The following SCMH1 variants were observed in gnomAD, a reference collection of about 807,000 sequenced individuals.
SCMH1 encodes the protein polycomb protein SCMH1.
SCMH1 carries 37 observed loss-of-function variants against 70.8 expected under a neutral mutation model. That is an observed-to-expected ratio of 0.52 (90% CI 0.40 to 0.69). The LOEUF is 0.69. Among genes scored for constraint, SCMH1 ranks in the 30% least tolerant of loss-of-function variants. SCMH1 has a pLI of 0.00. For missense variants in SCMH1, 607 were observed against 827.3 expected (o/e 0.73, Z 3.27); for synonymous variants, 292 against 307.4 (o/e 0.95, Z 0.52).
At chr1:41,118,510 T>A (rs1671101282) in intron 6 of SCMH1, among the ~76,000 whole-genome samples, 1 of 152,150 alleles carries the variant, frequency 6.6e-6, no homozygotes, top group Non-Finnish European at 1.5e-5. Context: ...ACTCACTACT[T>A]CTCTTATCAC....
chr1:41,080,416 T>C (rs925422557), intron 8 of SCMH1, among the ~76,000 whole-genome samples: 2 of 151,920 alleles, frequency 1.3e-5, no homozygotes, highest in African/African-American at 2.4e-5. Context: ...ATGACAAAGA[T>C]AGTTACAAGA....
intron 2 of SCMH1, among the ~76,000 whole-genome samples, chr1:41,180,471 G>A (rs1572882055): frequency 6.7e-6 from 1 of 149,704 alleles, no homozygotes; most frequent in Non-Finnish European, 1.5e-5. Flanking sequence ...AAACCCCATC[G>A]TTAAGCTGAT....
intron 9 of SCMH1, among the ~76,000 whole-genome samples, chr1:41,073,026 A>C (rs1235800205): frequency 6.6e-6 from 1 of 152,208 alleles, no homozygotes; most frequent in Non-Finnish European, 1.5e-5. Context: ...GCTTTCAAGA[A>C]GGCTGGAAAG....
chr1:41,204,945 A>T (rs1398913651), intron 1 of SCMH1, among the ~76,000 whole-genome samples: 3 of 152,242 alleles, frequency 2.0e-5, no homozygotes, highest in South Asian at 2.1e-4. Context: ...TTATATGACC[A>T]GAATAGTGGC....
chr1:41,143,655 A>T (rs186703287), intron 5 of SCMH1, among the ~76,000 whole-genome samples: 15 of 152,240 alleles, frequency 9.9e-5, no homozygotes, highest in African/African-American at 3.6e-4. Context: ...TATATACACC[A>T]TATAAACCTG....
intron 9 of SCMH1, 68 bp downstream of exon 9, chr1:41,075,151 A>G: frequency 6.7e-7 from 1 of 1,503,632 alleles, no homozygotes; most frequent in South Asian, 1.1e-5. Context: ...GGCGTGAGCC[A>G]CGGCGCCTGG....
At chr1:41,134,284 C>A (rs1642901466) in intron 6 of SCMH1, among the ~76,000 whole-genome samples, 2 of 152,146 alleles carry the variant, frequency 1.3e-5, no homozygotes, top group South Asian at 4.1e-4. Context: ...GGACGTATCT[C>A]AAAATAATAA....
chr1:41,110,369 T>C (rs1376691992), intron 8 of SCMH1, among the ~76,000 whole-genome samples: 1 of 152,224 alleles, frequency 6.6e-6, no homozygotes, highest in African/African-American at 2.4e-5. Flanking sequence ...TTCTAAGATA[T>C]TCAGAGTTGT....
At chr1:41,164,328 T>C (rs1266751052) in intron 2 of SCMH1, among the ~76,000 whole-genome samples, 1 of 152,092 alleles carries the variant, frequency 6.6e-6, no homozygotes, top group Non-Finnish European at 1.5e-5. Context: ...CCAGAAATCA[T>C]ACCACATTTC....
intron 12 of SCMH1, among the ~76,000 whole-genome samples, chr1:41,042,625 T>C (rs571746120): frequency 6.6e-6 from 1 of 152,044 alleles, no homozygotes; most frequent in African/African-American, 2.4e-5. Flanking sequence ...TGCTCTGACA[T>C]TGCCTCCCCC....
intron 8 of SCMH1, among the ~76,000 whole-genome samples, chr1:41,109,928 T>A (rs944430534): frequency 1.3e-5 from 2 of 152,178 alleles, no homozygotes; most frequent in African/African-American, 4.8e-5. Context: ...TCCCTAGGCA[T>A]GAAAATGAGA....
chr1:41,078,366 T>A (rs758218831), intron 8 of SCMH1, among the ~76,000 whole-genome samples: 1 of 152,084 alleles, frequency 6.6e-6, no homozygotes, highest in Non-Finnish European at 1.5e-5. Context: ...CTCTAACTAA[T>A]GAAAGACATC....
intron 8 of SCMH1, among the ~76,000 whole-genome samples, chr1:41,106,428 C>T (rs1453539475): frequency 6.6e-6 from 1 of 151,708 alleles, no homozygotes; most frequent in Non-Finnish European, 1.5e-5. Context: ...TGAGGCCTCC[C>T]CAGAAGCCAA....
intron 1 of SCMH1, among the ~76,000 whole-genome samples, chr1:41,208,349 C>T (rs1301415047): frequency 2.2e-5 from 3 of 135,410 alleles, no homozygotes; most frequent in African/African-American, 5.6e-5. Flanking sequence ...GTGGGTGCAG[C>T]GCACCAGCAT....
At chr1:41,101,474 G>A (rs1666643169) in intron 8 of SCMH1, among the ~76,000 whole-genome samples, 1 of 152,196 alleles carries the variant, frequency 6.6e-6, no homozygotes, top group African/African-American at 2.4e-5. Flanking sequence ...ACTTTTAGAT[G>A]GGAGAGAAAT....
At chr1:41,175,817 C>T (rs1647079343) in intron 2 of SCMH1, among the ~76,000 whole-genome samples, 1 of 152,092 alleles carries the variant, frequency 6.6e-6, no homozygotes, top group South Asian at 2.1e-4. Context: ...TAGTAGCCTG[C>T]TATGCTTGTT....
intron 6 of SCMH1, among the ~76,000 whole-genome samples, chr1:41,140,656 C>CTA (rs1388740391): frequency 6.6e-6 from 1 of 152,106 alleles, no homozygotes; most frequent in Non-Finnish European, 1.5e-5. Flanking sequence ...GGTGACCAAC[C>CTA]TAGTAGCACT....
chr1:41,073,148 T>C (rs1029109932), intron 9 of SCMH1, among the ~76,000 whole-genome samples: 1 of 152,192 alleles, frequency 6.6e-6, no homozygotes, highest in African/African-American at 2.4e-5. Context: ...AACCCAACCA[T>C]CTACCCAATA....
Position 41,101,348 on chromosome 1 carries a change from G to A in SCMH1, c.745+11935C>T, listed in dbSNP as rs752317719. Among the ~76,000 whole-genome samples, 26 of 152,266 alleles carry A rather than the reference G, an allele frequency of 1.7e-4. 1 individual carries two copies. The highest frequency in any genetic ancestry group is 1.7e-3 in the South Asian group (8 of 4,818). ...GGTTTCAAGATGAGTCTTAAGTTAG[G>A]TGGGAGGTTGAATTTGATTTCCTCT... On this transcript the variant is annotated intron_variant, in intron 8 of 14. Coordinates refer to ENST00000337495, the Ensembl canonical transcript of SCMH1.
Sources: allele counts gnomAD v4.1 joint callset (sites outside exome capture counted in the v4.1 genomes callset), GRCh38; gene constraint gnomAD v4.1.1; transcripts MANE v1.5; gene names NCBI Gene and HGNC (gene_info 2026-07-23, HGNC 2026-07-21).